The following TSPEAR variants were observed in gnomAD, a reference collection of about 807,000 sequenced individuals.
The protein encoded by TSPEAR is thrombospondin-type laminin G domain and EAR repeat-containing protein.
Under a neutral mutation model 71.6 loss-of-function variants are expected in TSPEAR, and 69 were observed. The ratio of observed to expected loss-of-function variants is 0.96; its 90% CI spans 0.79 to 1.18. The LOEUF (loss-of-function observed/expected upper bound fraction) is 1.18. Among genes scored for constraint, TSPEAR ranks in the 50% most tolerant of loss-of-function variants. The pLI is 0.00. For missense variants in TSPEAR, 971 were observed against 894.9 expected, an observed-to-expected ratio of 1.09 and a Z score of -1.09; for synonymous variants, 402 against 387.2, an observed-to-expected ratio of 1.04 and a Z score of -0.45.
At chr21:44,590,479 G>A (rs1324314356) in intron 1 of TSPEAR, among the ~76,000 whole-genome samples, 1 of 152,150 alleles carries the variant, frequency 6.6e-6, no homozygotes, top group Non-Finnish European at 1.5e-5. Context: ...TTGGTTAGTG[G>A]GTGCCATGGT....
chr21:44,550,195 G>A (rs8131923), intron 2 of TSPEAR, among the ~76,000 whole-genome samples: 67,365 of 143,084 alleles, frequency 0.47, 12,237 homozygotes, highest in South Asian at 0.62. Flanking sequence ...ACAGCAGAAC[G>A]TGCCACGAGG....
intron 1 of TSPEAR, chr21:44,574,594 T>A (rs1228311734): frequency 4.6e-6 from 6 of 1,303,316 alleles, no homozygotes; most frequent in Non-Finnish European, 6.1e-6. Context: ...TGCAAGCCTG[T>A]GTGCTGCAAG....
intron 1 of TSPEAR, among the ~76,000 whole-genome samples, chr21:44,648,946 G>A (rs140594630): frequency 1.4e-4 from 21 of 152,344 alleles, no homozygotes; most frequent in South Asian, 4.1e-4. Context: ...GTGAACGTGC[G>A]TGAAGGTGCT....
intron 2 of TSPEAR, among the ~76,000 whole-genome samples, chr21:44,553,826 G>A (rs1163457019): frequency 6.6e-6 from 1 of 152,202 alleles, no homozygotes; most frequent in African/African-American, 2.4e-5. Context: ...GCCTCAGGCT[G>A]ACCTCAGACC....
chr21:44,617,462 GA>G (rs1982178708), intron 1 of TSPEAR, among the ~76,000 whole-genome samples: 1 of 152,270 alleles, frequency 6.6e-6, no homozygotes, highest in Non-Finnish European at 1.5e-5. Flanking sequence ...ACAGCGTGGG[GA>G]CACATGCAGA....
chr21:44,578,638 G>A (rs587621164), intron 1 of TSPEAR, among the ~76,000 whole-genome samples: 2 of 152,298 alleles, frequency 1.3e-5, no homozygotes, highest in South Asian at 4.1e-4. Context: ...GGGGACTCAT[G>A]GAGGAACACC....
chr21:44,659,407 T>C (rs1452682098), intron 1 of TSPEAR, among the ~76,000 whole-genome samples: 5 of 151,532 alleles, frequency 3.3e-5, no homozygotes, highest in Non-Finnish European at 5.9e-5. Flanking sequence ...GCACTGAAGG[T>C]AACCACAGTA....
chr21:44,508,774 G>A (rs374485000), intron 10 of TSPEAR: 52 of 1,292,536 alleles, frequency 4.0e-5, no homozygotes, highest in Middle Eastern at 5.1e-4. Flanking sequence ...ATGCAACATC[G>A]GGGGAAGGAA....
At chr21:44,551,945 G>T (rs1260932472) in intron 2 of TSPEAR, among the ~76,000 whole-genome samples, 8 of 152,194 alleles carry the variant, frequency 5.3e-5, no homozygotes, top group Non-Finnish European at 1.2e-4. Context: ...GGGAAAAGAC[G>T]CTTGAGGACA....
intron 1 of TSPEAR, among the ~76,000 whole-genome samples, chr21:44,594,686 C>T (rs1980239267): frequency 6.6e-6 from 1 of 152,210 alleles, no homozygotes; most frequent in Non-Finnish European, 1.5e-5. Context: ...CGTGGAGCTC[C>T]TGCCCCAGCC....
chr21:44,601,009 A>G (rs233307), intron 1 of TSPEAR: 1 of 1,600,062 alleles, frequency 6.2e-7, no homozygotes, highest in Non-Finnish European at 8.5e-7. Context: ...GCCTGTCTGC[A>G]GTGGGGATTC....
chr21:44,570,140 T>C (rs2053771724), intron 1 of TSPEAR, among the ~76,000 whole-genome samples: 2 of 152,058 alleles, frequency 1.3e-5, no homozygotes, highest in African/African-American at 4.8e-5. Context: ...ATCCAGAAGG[T>C]GCCCTGCCCA....
chr21:44,516,552 A>C (rs896968577), intron 9 of TSPEAR: 1 of 151,474 alleles, frequency 6.6e-6, no homozygotes, highest in African/African-American at 2.4e-5. Context: ...AAACACCAAC[A>C]CCCGCGCCCA....
rs1214224268 is a variant in TSPEAR at position 44,711,319 on chromosome 21, C to T, written c.82+114G>A. The T allele has an allele frequency of 1.7e-5, 16 of 959,854 alleles. No homozygotes were observed. The highest frequency in any genetic ancestry group is 1.5e-4 in the African/African-American group (9 of 61,458). The allele number at this position is 959,854 out of a possible 1,614,324, so 59.5% of individuals were successfully genotyped here. On this transcript the variant is annotated intron_variant, in intron 1 of 11. Coordinates refer to ENST00000323084, the MANE Select transcript of TSPEAR (RefSeq NM_144991.3). The surrounding 1 kb of genome is among the most constrained non-coding windows in gnomAD (Gnocchi z 4.5). ...GTGCTACCTGCCAGTCCTGCCAAAG[C>T]GTCCTCGGGCACCGCGGCTTGAATC... is the stretch of plus-strand genomic sequence containing the variant.
At chr21:44,551,413 A>G in intron 2 of TSPEAR, 1 of 1,613,152 alleles carries the variant, frequency 6.2e-7, no homozygotes, top group Non-Finnish European at 8.5e-7. Context: ...ACCTGCCAGG[A>G]GTTGGTGCAG....
intron 1 of TSPEAR, among the ~76,000 whole-genome samples, chr21:44,596,935 C>T (rs1980402959): frequency 6.6e-6 from 1 of 152,098 alleles, no homozygotes; most frequent in Non-Finnish European, 1.5e-5. Flanking sequence ...ATATTGTTGT[C>T]TTTTGACTTG....
At chr21:44,539,781 G>T in intron 2 of TSPEAR, 1 of 1,612,564 alleles carries the variant, frequency 6.2e-7, no homozygotes. Context: ...CAGCTAGACT[G>T]CTGGCAGCAT....
chr21:44,679,159 G>T (rs1986462691), intron 1 of TSPEAR, among the ~76,000 whole-genome samples: 1 of 152,098 alleles, frequency 6.6e-6, no homozygotes, highest in Non-Finnish European at 1.5e-5. Flanking sequence ...CACAGACATG[G>T]CTTCTGTTTT....
chr21:44,709,017 G>A (rs1988081179), intron 1 of TSPEAR, among the ~76,000 whole-genome samples: 1 of 152,198 alleles, frequency 6.6e-6, no homozygotes. Flanking sequence ...GACGGTTCCT[G>A]GGGTAACACT....
Sources: gnomAD v4.1 joint callset for allele counts (sites outside exome capture counted in the v4.1 genomes callset) on GRCh38, gnomAD v4.1.1 for gene constraint, Gnocchi (gnomAD v3.1) non-coding constraint, MANE v1.5 for transcripts, NCBI Gene and HGNC (gene_info 2026-07-23, HGNC 2026-07-21) for gene names.